The following GRIA3 variants were observed in gnomAD, a reference collection of about 807,000 sequenced individuals.
GRIA3 encodes the protein glutamate receptor 3.
GRIA3 carries 3 observed loss-of-function variants against 63.0 expected under a neutral mutation model. That is an observed-to-expected ratio of 0.05 (90% CI 0.02 to 0.12). GRIA3 has a LOEUF of 0.12. GRIA3 is among the 10% of genes least tolerant of loss of function. The pLI, the probability that GRIA3 is intolerant of heterozygous loss-of-function variation, is 1.00. For synonymous variants in GRIA3, 274 were observed against 257.9 expected (o/e 1.06, Z -0.60); for missense variants, 347 against 700.9 (o/e 0.50, Z 5.70).
At chrX:123,385,321 T>G (rs1257169901) in intron 5 of GRIA3, among the ~76,000 whole-genome samples, 2 of 111,731 alleles carry the variant, frequency 1.8e-5, no homozygotes, top group Admixed American at 1.9e-4. Flanking sequence ...GTGTGCAACC[T>G]TATTTCTGGG....
intron 4 of GRIA3, among the ~76,000 whole-genome samples, chrX:123,346,482 A>G (rs2045050605): frequency 8.9e-6 from 1 of 112,126 alleles, no homozygotes. Context: ...GGCTCTTCTG[A>G]AATCAAGAGA....
At chrX:123,407,444 G>A (rs1014448874) in intron 10 of GRIA3, among the ~76,000 whole-genome samples, 1 of 111,034 alleles carries the variant, frequency 9.0e-6, no homozygotes, top group Non-Finnish European at 1.9e-5. Context: ...AGTTCTGGAG[G>A]CTGGGAAGTC....
chrX:123,267,498 G>A (rs927431014), intron 3 of GRIA3, among the ~76,000 whole-genome samples: 4 of 111,802 alleles, frequency 3.6e-5, no homozygotes, highest in Admixed American at 9.5e-5. Context: ...TAGATATAAC[G>A]CTATTTCATA....
intron 13 of GRIA3, among the ~76,000 whole-genome samples, chrX:123,479,139 G>A (rs1014687312): frequency 5.3e-5 from 6 of 112,932 alleles, no homozygotes; most frequent in African/African-American, 1.9e-4. Flanking sequence ...TAGCCTCTTA[G>A]TTGAGGAAGT....
chrX:123,338,168 C>A (rs1387143954), intron 4 of GRIA3, among the ~76,000 whole-genome samples: 1 of 112,193 alleles, frequency 8.9e-6, no homozygotes, highest in Non-Finnish European at 1.9e-5. Flanking sequence ...CCCAGCCCTG[C>A]ATTTTCTTTC....
At chrX:123,338,806 T>C (rs1355503221) in intron 4 of GRIA3, among the ~76,000 whole-genome samples, 1 of 112,144 alleles carries the variant, frequency 8.9e-6, no homozygotes. Flanking sequence ...TGCCTCGGCC[T>C]CCCAAAGTGC....
intron 2 of GRIA3, among the ~76,000 whole-genome samples, chrX:123,211,275 C>T (rs1267409531): frequency 1.8e-5 from 2 of 111,413 alleles, no homozygotes; most frequent in East Asian, 2.8e-4. Context: ...TTGCCTGAGA[C>T]CCCAGGGCAA....
intron 3 of GRIA3, among the ~76,000 whole-genome samples, chrX:123,283,874 C>T (rs999160261): frequency 1.8e-5 from 2 of 112,837 alleles, no homozygotes; most frequent in Admixed American, 9.3e-5. Context: ...CAGCAGATCT[C>T]CCAGCACAGT....
chrX:123,377,206 T>G (rs993829759), intron 5 of GRIA3, among the ~76,000 whole-genome samples: 22 of 111,385 alleles, frequency 2.0e-4, no homozygotes, highest in South Asian at 7.6e-4. Context: ...AAAGTGCTGG[T>G]AGTACAGGCG....
chrX:123,319,801 T>C (rs927246038), intron 3 of GRIA3, among the ~76,000 whole-genome samples: 30 of 94,056 alleles, frequency 3.2e-4, no homozygotes, highest in Non-Finnish European at 5.7e-4. Flanking sequence ...CTGCTGGTCA[T>C]GAAGAACACC....
chrX:123,358,331 A>T (rs777621541), intron 5 of GRIA3: 1 of 112,279 alleles, frequency 8.9e-6, no homozygotes, highest in African/African-American at 3.2e-5. Flanking sequence ...AGCTTCCTGG[A>T]ATCACTTCCT....
chrX:123,258,551 G>A (rs1317640344), intron 3 of GRIA3, among the ~76,000 whole-genome samples: 2 of 111,424 alleles, frequency 1.8e-5, no homozygotes, highest in South Asian at 3.9e-4. Flanking sequence ...AGTTCTCTGT[G>A]GTGCTAACAT....
At chrX:123,433,787 C>T (rs1473559425) in intron 12 of GRIA3, among the ~76,000 whole-genome samples, 1 of 112,330 alleles carries the variant, frequency 8.9e-6, no homozygotes, top group African/African-American at 3.2e-5. Context: ...ACTAAGGGGA[C>T]TGTCCTGCCT....
chrX:123,395,416 G>A (rs2045408107), intron 6 of GRIA3, among the ~76,000 whole-genome samples: 2 of 112,080 alleles, frequency 1.8e-5, no homozygotes, highest in Admixed American at 1.9e-4. Flanking sequence ...AGTATTACAA[G>A]AACCTGAGCC....
chrX:123,218,237 G>A (rs1429732834), intron 2 of GRIA3, among the ~76,000 whole-genome samples: 2 of 111,291 alleles, frequency 1.8e-5, no homozygotes, highest in Non-Finnish European at 3.8e-5. Context: ...GGCAGTTGAG[G>A]CTTTTTCTGA....
intron 2 of GRIA3, among the ~76,000 whole-genome samples, chrX:123,225,776 A>AG (rs1362561219): frequency 8.9e-6 from 1 of 111,766 alleles, no homozygotes; most frequent in Non-Finnish European, 1.9e-5. Flanking sequence ...TCTCTGAGTC[A>AG]GGTTCAGCAA....
intron 10 of GRIA3, among the ~76,000 whole-genome samples, chrX:123,409,035 C>T (rs1200392134): frequency 9.0e-6 from 1 of 111,717 alleles, no homozygotes; most frequent in Non-Finnish European, 1.9e-5. Context: ...AAAACACAGG[C>T]TTTCATTTCT....
At chrX:123,469,022 C>A (rs999182852) in intron 13 of GRIA3, among the ~76,000 whole-genome samples, 4 of 112,723 alleles carry the variant, frequency 3.5e-5, no homozygotes, top group Admixed American at 2.8e-4. Context: ...TCATTCGCAA[C>A]TACCTTGGTT....
chrX:123,397,265 C>T (rs2045419904), intron 6 of GRIA3, among the ~76,000 whole-genome samples: 1 of 111,801 alleles, frequency 8.9e-6, no homozygotes, highest in Non-Finnish European at 1.9e-5. Context: ...TAGAACCTTG[C>T]ACAATATCAA....
Sources: gnomAD v4.1 joint callset for allele counts (sites outside exome capture counted in the v4.1 genomes callset) on GRCh38, gnomAD v4.1.1 for gene constraint, MANE v1.5 for transcripts, NCBI Gene and HGNC (gene_info 2026-07-23, HGNC 2026-07-21) for gene names.